Variants in EPHB2 observed in about 807,000 individuals in gnomAD.
The protein encoded by EPHB2 is EPH receptor B2, also known as ephrin type-B receptor 2.
Under a neutral mutation model 96.4 loss-of-function variants are expected in EPHB2, and 18 were observed. The observed-to-expected ratio is 0.19, with a 90% CI of 0.13 to 0.28. EPHB2 has a LOEUF of 0.28. Among genes scored for constraint, EPHB2 ranks in the 10% least tolerant of loss-of-function variants. EPHB2 has a pLI of 1.00. For missense variants in EPHB2, 989 were observed against 1,355.4 expected, an observed-to-expected ratio of 0.73 and a Z score of 4.25; for synonymous variants, 506 against 534.1, an observed-to-expected ratio of 0.95 and a Z score of 0.72.
At chr1:22,848,837 G>A (rs1645581906) in intron 3 of EPHB2, among the ~76,000 whole-genome samples, 1 of 152,140 alleles carries the variant, frequency 6.6e-6, no homozygotes, top group African/African-American at 2.4e-5. Context: ...CAGGTTTCCG[G>A]GGGATACAGT....
rs868028952 is a variant in EPHB2, at chr1:22,720,669, C to A, written c.61+9626C>A. On this transcript the variant is annotated intron_variant, in intron 1 of 15. Coordinates refer to ENST00000374630, the MANE Select transcript of EPHB2 (RefSeq NM_017449.5). ...AAGCCAGAAATCTCATTCCCCCCCC[C>A]CCCCGCCCCAGCACTTACCCCCGAA... Among the ~76,000 whole-genome samples the A allele has an allele frequency of 1.3e-4, 15 of 114,546 alleles. 2 individuals carry two copies. Among genetic ancestry groups the A allele is most frequent in the East Asian group, 7.1e-4 (2 of 2,826 alleles). 75.1% of individuals were successfully genotyped at this position (114,546 alleles called of 152,430 possible).
chr1:22,731,240 T>C (rs967496059), intron 1 of EPHB2, among the ~76,000 whole-genome samples: 1 of 152,100 alleles, frequency 6.6e-6, no homozygotes, highest in African/African-American at 2.4e-5. Flanking sequence ...GCGGGGGGAA[T>C]GGAGGGCAGA....
chr1:22,864,421 G>C (rs1638396502), intron 4 of EPHB2, among the ~76,000 whole-genome samples: 1 of 152,206 alleles, frequency 6.6e-6, no homozygotes, highest in Non-Finnish European at 1.5e-5. Context: ...AGCAGAAGCA[G>C]GGAAAGGACA....
intron 3 of EPHB2, among the ~76,000 whole-genome samples, chr1:22,792,241 C>T (rs888358807): frequency 2.6e-5 from 4 of 152,062 alleles, no homozygotes; most frequent in Admixed American, 2.6e-4. Flanking sequence ...AGGGAGGCCG[C>T]CAGCTGGCAG....
chr1:22,896,897 G>A (rs759736738), intron 9 of EPHB2, among the ~76,000 whole-genome samples: 1 of 152,178 alleles, frequency 6.6e-6, no homozygotes, highest in Non-Finnish European at 1.5e-5. Context: ...CAGCACCAGC[G>A]TGGTGCCCAG....
intron 1 of EPHB2, among the ~76,000 whole-genome samples, chr1:22,727,955 T>C (rs367563652): frequency 4.6e-5 from 7 of 152,054 alleles, no homozygotes; most frequent in African/African-American, 1.4e-4. Context: ...GACTCAGACA[T>C]AGTATTTAAC....
At chr1:22,812,916 C>T (rs1003490657) in intron 3 of EPHB2, among the ~76,000 whole-genome samples, 5 of 152,298 alleles carry the variant, frequency 3.3e-5, no homozygotes, top group African/African-American at 1.2e-4. Flanking sequence ...GAGTGAATGA[C>T]TACAAACCAC....
chr1:22,735,305 G>T (rs1203230929), intron 1 of EPHB2, among the ~76,000 whole-genome samples: 1 of 151,962 alleles, frequency 6.6e-6, no homozygotes, highest in Non-Finnish European at 1.5e-5. Context: ...CAGGCATGGT[G>T]GCATGTGCCT....
intron 9 of EPHB2, among the ~76,000 whole-genome samples, chr1:22,905,194 A>G (rs1639870739): frequency 6.6e-6 from 1 of 152,220 alleles, no homozygotes; most frequent in Admixed American, 6.5e-5. Context: ...CTCTTAGTGC[A>G]TAAAAAAATA....
In EPHB2 at chr1:22,908,149, C is replaced by G. The variant is rs1431151666; in HGVS notation, c.2333C>G (p.Pro778Arg). Residue 778 changes from proline to arginine, a missense_variant, in exon 12 of 16, where the codon CCC becomes CGC. Coordinates refer to ENST00000374630, the MANE Select transcript of EPHB2 (RefSeq NM_017449.5). The part of the protein sequence containing the change: ...SRFLEDDTSD[P>R]TYTSALGGKI... ...TTTCTAGAGGACGATACCTCAGACC[C>G]CACCTACACCAGTGCCCTGGTAAGA... is the stretch of plus-strand genomic sequence containing the variant. 6.2e-7 allele frequency: 1 copy of G among 1,614,240 alleles called. No individual in the cohort carries two copies. The highest frequency in any genetic ancestry group is 1.1e-5 in the South Asian group (1 of 91,086).
At chr1:22,739,272 G>A (rs979872077) in intron 1 of EPHB2, among the ~76,000 whole-genome samples, 9 of 152,062 alleles carry the variant, frequency 5.9e-5, no homozygotes, top group African/African-American at 2.2e-4. Flanking sequence ...CTGGAGTGCA[G>A]TGGCATGATC....
intron 3 of EPHB2, among the ~76,000 whole-genome samples, chr1:22,787,069 G>A (rs1217786904): frequency 6.6e-6 from 1 of 152,218 alleles, no homozygotes; most frequent in Non-Finnish European, 1.5e-5. Context: ...CTTATGTTGA[G>A]CATCAGGCAG....
At chr1:22,912,656 C>T in intron 15 of EPHB2, 57 bp downstream of exon 15, 1 of 1,606,394 alleles carries the variant, frequency 6.2e-7, no homozygotes, top group Non-Finnish European at 8.5e-7. Flanking sequence ...ACCGGCCCCA[C>T]CAGCCAAGTG....
At chr1:22,802,724 G>A (rs901672340) in intron 3 of EPHB2, among the ~76,000 whole-genome samples, 1 of 152,156 alleles carries the variant, frequency 6.6e-6, no homozygotes, top group Non-Finnish European at 1.5e-5. Flanking sequence ...CCCCACAGAG[G>A]GATATGGCAT....
In EPHB2 at chr1:22,906,614, A is replaced by T; in HGVS notation, c.1889-96A>T. ...GAGTGGGCCATTGAGAAGAAAATGT[A>T]CCTGCAGGCCCCGTGAGTGGACATG... On this transcript the variant is annotated intron_variant, in intron 10 of 15. Coordinates refer to ENST00000374630, the MANE Select transcript of EPHB2 (RefSeq NM_017449.5). This position sits in a 1 kb window ranked among gnomAD's most constrained non-coding sequence, Gnocchi z 4.8. The T allele has an allele frequency of 6.4e-7, 1 of 1,573,576 alleles. No homozygotes were observed. Among genetic ancestry groups the T allele is most frequent in the Non-Finnish European group, 8.6e-7 (1 of 1,158,088 alleles).
At chr1:22,873,390 T>C (rs986474940) in intron 5 of EPHB2, among the ~76,000 whole-genome samples, 7 of 152,194 alleles carry the variant, frequency 4.6e-5, no homozygotes, top group African/African-American at 1.7e-4. Context: ...TGTTTTCTCA[T>C]GGCAATCACA....
At chr1:22,835,521 C>CA (rs1463992651) in intron 3 of EPHB2, among the ~76,000 whole-genome samples, 2 of 152,216 alleles carry the variant, frequency 1.3e-5, no homozygotes, top group Admixed American at 1.3e-4. Context: ...CATGTAAGCA[C>CA]ATTTTATGCA....
At chr1:22,833,653 A>G (rs1187338065) in intron 3 of EPHB2, among the ~76,000 whole-genome samples, 2 of 152,230 alleles carry the variant, frequency 1.3e-5, no homozygotes, top group East Asian at 3.8e-4. Context: ...GCATACAGCA[A>G]ATACAATCAA....
rs1639081441 is a variant in EPHB2, at chr1:22,882,477, T to C, written c.1422T>C (p.Tyr474=). Residue 474 remains tyrosine, a synonymous_variant, in exon 6 of 16, where the codon TAT becomes TAC. Transcript: ENST00000374630. ...GVILDYELQY[Y]EKELSEYNAT... ...TCCTGGACTATGAGCTGCAGTACTA[T>C]GAGAAGGTACCTATTGGCTGGGTGC... 1 of 1,613,988 alleles carries C rather than the reference T, an allele frequency of 6.2e-7. No homozygotes were observed. Among genetic ancestry groups the C allele is most frequent in the Non-Finnish European group, 8.5e-7 (1 of 1,179,868 alleles).
Sources: gnomAD v4.1 joint callset for allele counts (sites outside exome capture counted in the v4.1 genomes callset) on GRCh38, gnomAD v4.1.1 for gene constraint, Gnocchi (gnomAD v3.1) non-coding constraint, MANE v1.5 for transcripts, NCBI Gene and HGNC (gene_info 2026-07-23, HGNC 2026-07-21) for gene names.